Variants in CAST observed in about 807,000 individuals in gnomAD.
The protein encoded by CAST is calpastatin.
A neutral mutation model predicts 119.6 loss-of-function variants in CAST; 76 were observed. That is an observed-to-expected ratio of 0.64 (90% CI 0.53 to 0.77). The LOEUF is 0.77. Among genes scored for constraint, CAST ranks in the 30% least tolerant of loss-of-function variants. The probability of loss-of-function intolerance (pLI) is 0.00; values close to 1 mark genes in which losing one functional copy is unlikely to be tolerated. For synonymous variants in CAST, 319 were observed against 331.6 expected (o/e 0.96, Z 0.41); for missense variants, 953 against 946.5 (o/e 1.01, Z -0.09).
chr5:96,667,480 A>G (rs778758549), intron 1 of CAST, among the ~76,000 whole-genome samples: 3 of 152,212 alleles, frequency 2.0e-5, no homozygotes, highest in Non-Finnish European at 2.9e-5. Flanking sequence ...AGAAAAACTC[A>G]TCCAGCCTTA....
chr5:96,614,076 G>A (rs1240914617), intron 1 of CAST, among the ~76,000 whole-genome samples: 1 of 152,178 alleles, frequency 6.6e-6, no homozygotes, highest in African/African-American at 2.4e-5. Flanking sequence ...TCAGCAGTAA[G>A]TGACCAGGTA....
chr5:96,201,016 A>C, the CAST span, among the ~76,000 whole-genome samples: 1 of 152,168 alleles, frequency 6.6e-6, no homozygotes, highest in Non-Finnish European at 1.5e-5. Flanking sequence ...AAGAGCATTG[A>C]AAAGGACTGC....
chr5:96,766,417 TTCTC>T (rs1250842351), intron 27 of CAST, among the ~76,000 whole-genome samples: 3 of 152,184 alleles, frequency 2.0e-5, no homozygotes, highest in Admixed American at 2.0e-4. Context: ...AGAAATGTGA[TTCTC>T]TCTTTCAAGA....
At chr5:96,379,643 C>T in the CAST span, 1 of 152,088 alleles carries the variant, frequency 6.6e-6, no homozygotes, top group Non-Finnish European at 1.5e-5. Context: ...AACAGAAGAG[C>T]CACAGTGAGG....
At chr5:96,403,072 G>A in the CAST span, among the ~76,000 whole-genome samples, 1 of 152,290 alleles carries the variant, frequency 6.6e-6, no homozygotes, top group South Asian at 2.1e-4. Context: ...AGGAGGAAGC[G>A]TACTGAGGAG....
chr5:96,756,483 T>C (rs1350368950), intron 22 of CAST, among the ~76,000 whole-genome samples: 2 of 152,252 alleles, frequency 1.3e-5, no homozygotes, highest in Non-Finnish European at 2.9e-5. Context: ...CAGACTTTTC[T>C]GGATTTTGGA....
chr5:96,395,163 A>T, the CAST span: 1 of 739,444 alleles, frequency 1.4e-6, no homozygotes, highest in Non-Finnish European at 2.3e-6. Context: ...AAACCATTGG[A>T]TCCACTCTTG....
chr5:96,244,561 T>G, the CAST span, among the ~76,000 whole-genome samples: 1 of 152,184 alleles, frequency 6.6e-6, no homozygotes, highest in East Asian at 1.9e-4. Context: ...TATTTGGAGA[T>G]TCACAGATAT....
At chr5:96,695,698 A>G in intron 2 of CAST, 138 bp from the exon 3 acceptor site, 1 of 516,412 alleles carries the variant, frequency 1.9e-6, no homozygotes, top group Non-Finnish European at 3.6e-6. Context: ...AATTCAAAGC[A>G]TATGTTTACT....
the CAST span, among the ~76,000 whole-genome samples, chr5:96,046,007 G>T: frequency 6.6e-6 from 1 of 152,096 alleles, no homozygotes; most frequent in Non-Finnish European, 1.5e-5. Flanking sequence ...ACAAATACAT[G>T]GAGTGGGCCA....
the CAST span, among the ~76,000 whole-genome samples, chr5:96,159,667 T>C: frequency 6.6e-6 from 1 of 152,234 alleles, no homozygotes; most frequent in Admixed American, 6.5e-5. Context: ...TTAATTTTTT[T>C]TAGACTCAGC....
intron 1 of CAST, among the ~76,000 whole-genome samples, chr5:96,674,542 C>T (rs1442471246): frequency 2.6e-5 from 4 of 152,070 alleles, no homozygotes; most frequent in Non-Finnish European, 5.9e-5. Context: ...ATTCTTTGTG[C>T]CCCCTATTCA....
intron 1 of CAST, among the ~76,000 whole-genome samples, chr5:96,601,673 T>A (rs1747154824): frequency 6.8e-6 from 1 of 147,428 alleles, no homozygotes; most frequent in Non-Finnish European, 1.5e-5. Flanking sequence ...ACTCGATTGG[T>A]TTTTTAATGT....
At chr5:96,041,809 T>G in the CAST span, among the ~76,000 whole-genome samples, 338 of 152,248 alleles carry the variant, frequency 2.2e-3, 1 homozygote, top group African/African-American at 7.8e-3. Flanking sequence ...CGATCTACAA[T>G]AGTACCCATT....
At chr5:96,168,657 G>A in the CAST span, among the ~76,000 whole-genome samples, 1,091 of 152,292 alleles carry the variant, frequency 7.2e-3, 15 homozygotes, top group African/African-American at 0.025. Flanking sequence ...TGTGATCAGG[G>A]TGAGAAACAG....
At chr5:96,302,325 G>A in the CAST span, among the ~76,000 whole-genome samples, 1 of 152,142 alleles carries the variant, frequency 6.6e-6, no homozygotes, top group Non-Finnish European at 1.5e-5. Flanking sequence ...GTCTATAATA[G>A]GAGGGGCTGC....
At chr5:96,117,732 T>C in the CAST span, among the ~76,000 whole-genome samples, 1 of 152,222 alleles carries the variant, frequency 6.6e-6, no homozygotes, top group Non-Finnish European at 1.5e-5. Flanking sequence ...TTGTTTTGCT[T>C]AGTTTTTACT....
At chr5:96,292,323 G>C in the CAST span, among the ~76,000 whole-genome samples, 1 of 152,162 alleles carries the variant, frequency 6.6e-6, no homozygotes, top group African/African-American at 2.4e-5. Flanking sequence ...TCCAATAAGA[G>C]CTTCTCAGTT....
the CAST span, among the ~76,000 whole-genome samples, chr5:96,105,615 T>C: frequency 6.6e-6 from 1 of 152,196 alleles, no homozygotes; most frequent in East Asian, 1.9e-4. Context: ...AGCTTTTTGA[T>C]GTGCTGCTGG....
Sources: gnomAD v4.1 joint callset for allele counts (sites outside exome capture counted in the v4.1 genomes callset) on GRCh38, gnomAD v4.1.1 for gene constraint, MANE v1.5 for transcripts, NCBI Gene and HGNC (gene_info 2026-07-23, HGNC 2026-07-21) for gene names.